The following ABHD12B variants were observed in gnomAD, a reference collection of about 807,000 sequenced individuals.
The protein encoded by ABHD12B is protein ABHD12B.
Under a neutral mutation model 50.4 loss-of-function variants are expected in ABHD12B, and 42 were observed. That is an observed-to-expected ratio of 0.83 (90% CI 0.65 to 1.08). The LOEUF is 1.08. Among genes scored for constraint, ABHD12B ranks in the 50% least tolerant of loss-of-function variants. ABHD12B has a pLI of 0.00. For synonymous variants in ABHD12B, 167 were observed against 160.3 expected, an observed-to-expected ratio of 1.04 and a Z score of -0.32; for missense variants, 479 against 447.7, an observed-to-expected ratio of 1.07 and a Z score of -0.63.
At chr14:50,893,206 C>T (rs2050143557) in intron 9 of ABHD12B, 1 of 152,270 alleles carries the variant, frequency 6.6e-6, no homozygotes, top group Non-Finnish European at 1.5e-5. Flanking sequence ...TCCCCTGTGA[C>T]TTGCAGGTAT....
At chr14:50,904,053 G>T (rs1449793889) in intron 11 of ABHD12B, 21 bp from the exon 12 acceptor site, 2 of 1,590,032 alleles carry the variant, frequency 1.3e-6, no homozygotes, top group Non-Finnish European at 1.7e-6. Context: ...CATCCTTTGA[G>T]TCTCTTTCTG....
intron 9 of ABHD12B, among the ~76,000 whole-genome samples, chr14:50,890,357 G>A (rs754540820): frequency 4.6e-5 from 7 of 152,106 alleles, no homozygotes; most frequent in Non-Finnish European, 7.4e-5. Context: ...GTCAAGAAAT[G>A]AGCATCACCC....
At position 50,887,191 on chromosome 14, in the gene ABHD12B, G is replaced by A. The variant is rs575966036; in HGVS notation, c.700+507G>A. Among the ~76,000 whole-genome samples, 5 of 94,708 alleles carry A rather than the reference G, an allele frequency of 5.3e-5. No homozygotes were observed. In the East Asian group the frequency reaches 1.1e-3, roughly 21 times the overall value. 62.1% of individuals were successfully genotyped at this position (94,708 alleles called of 152,430 possible). ...ATTGCCACTGCATTCTAGCCTGGGC[G>A]ACAGAGCAAGAGTCTGTCTCAAAAA... On this transcript the variant is annotated intron_variant, in intron 8 of 12. Transcript: ENST00000337334.
chr14:50,878,012 TACTAG>T lies in ABHD12B; in HGVS notation c.166_170del (p.Thr56Ter). On this transcript the variant is annotated frameshift_variant, in exon 2 of 13. Transcript: ENST00000337334. LOFTEE classifies it high-confidence loss of function. ...AAATTGCTGCTCTGTATGACAGCTT[TACTAG>T]TAAATCCTTAAAAGAACACGTTTTC... 6.5e-7 allele frequency: 1 copy of T among 1,535,356 alleles called. No individual in the cohort carries two copies.
At chr14:50,901,264 G>A (rs145194493) in intron 9 of ABHD12B, among the ~76,000 whole-genome samples, 1 of 152,246 alleles carries the variant, frequency 6.6e-6, no homozygotes, top group East Asian at 1.9e-4. Flanking sequence ...TCTATTTCTT[G>A]GATTTTGCTA....
intron 1 of ABHD12B, among the ~76,000 whole-genome samples, chr14:50,872,543 G>A (rs1224691464): frequency 6.6e-6 from 1 of 152,186 alleles, no homozygotes; most frequent in African/African-American, 2.4e-5. Flanking sequence ...ACTTTTGGGG[G>A]CTTCTGAAAT....
chr14:50,888,821 A>C lies in ABHD12B; in HGVS notation c.701-3A>C. On this transcript the variant is annotated splice_polypyrimidine_tract_variant and splice_region_variant and intron_variant, in intron 8 of 12. Transcript: ENST00000337334. ...TTTCTTTCTTTCTTTCTTTCATTTC[A>C]AGGATGCCCAGTTGATGCTATTGTC... The C allele has an allele frequency of 6.2e-7, 1 of 1,613,422 alleles. No individual in the cohort carries two copies. Among genetic ancestry groups the C allele is most frequent in the East Asian group, 2.2e-5 (1 of 44,844 alleles).
chr14:50,872,309 G>A (rs1028912029), intron 1 of ABHD12B, 31 bp downstream of exon 1: 34 of 1,256,948 alleles, frequency 2.7e-5, no homozygotes, highest in Non-Finnish European at 3.3e-5. Flanking sequence ...CCCTGGCCGG[G>A]CCCCGACGGC....
At chr14:50,894,411 CTCT>C (rs940220302) in intron 9 of ABHD12B, among the ~76,000 whole-genome samples, 2 of 151,940 alleles carry the variant, frequency 1.3e-5, no homozygotes. Context: ...CATGTCTCTA[CTCT>C]TTTCTCTGGG....
chr14:50,891,454 A>G (rs1246914002), intron 9 of ABHD12B: 1 of 152,246 alleles, frequency 6.6e-6, no homozygotes, highest in Non-Finnish European at 1.5e-5. Context: ...CGTGTTAGGC[A>G]GGATGATCTC....
intron 1 of ABHD12B, 123 bp downstream of exon 1, chr14:50,872,401 G>A: frequency 4.5e-6 from 3 of 662,414 alleles, no homozygotes; most frequent in Non-Finnish European, 6.3e-6. Flanking sequence ...CCAAGGCCCA[G>A]CATTGTGGCT....
At chr14:50,878,681 T>C in intron 2 of ABHD12B, 64 bp from the exon 3 acceptor site, 2 of 1,371,914 alleles carry the variant, frequency 1.5e-6, no homozygotes, top group Non-Finnish European at 1.0e-6. Flanking sequence ...AATTCCTTTC[T>C]TTGATTGTGA....
At chr14:50,881,735 C>T in intron 5 of ABHD12B, 109 bp downstream of exon 5, 1 of 1,353,396 alleles carries the variant, frequency 7.4e-7, no homozygotes, top group South Asian at 1.2e-5. Context: ...CTCCAGGGTA[C>T]TGGTCAGGGT....
At chr14:50,890,607 G>C (rs2050104375) in intron 9 of ABHD12B, among the ~76,000 whole-genome samples, 1 of 152,020 alleles carries the variant, frequency 6.6e-6, no homozygotes, top group African/African-American at 2.4e-5. Flanking sequence ...TTATATTTGT[G>C]GGATTGTATT....
At chr14:50,886,309 C>T (rs951157421) in intron 7 of ABHD12B, among the ~76,000 whole-genome samples, 3 of 151,734 alleles carry the variant, frequency 2.0e-5, no homozygotes, top group African/African-American at 4.8e-5. Context: ...CTTGGTGGTG[C>T]GTGCCTGTAA....
Position 50,878,883 on chromosome 14 carries a change from G to C in ABHD12B, c.335+36G>C, listed in dbSNP as rs1434642025. The C allele has an allele frequency of 2.6e-6, 4 of 1,559,422 alleles. No individual in the cohort carries two copies. The African/African-American group carries it at 4.1e-5, about 16-fold the overall frequency. Reference sequence around the variant, plus strand: ...GGATGGGACACCGGGTTGCTTGATGGGGCAGGTGTTCCTGTTAGGACTCAG... The same window carrying C: ...GGATGGGACACCGGGTTGCTTGATGCGGCAGGTGTTCCTGTTAGGACTCAG... On this transcript the variant is annotated intron_variant, in intron 3 of 12. Coordinates refer to ENST00000337334, the MANE Select transcript of ABHD12B (RefSeq NM_001206673.2).
intron 4 of ABHD12B, among the ~76,000 whole-genome samples, chr14:50,881,392 A>G (rs1032523542): frequency 6.6e-6 from 1 of 150,578 alleles, no homozygotes; most frequent in African/African-American, 2.4e-5. Flanking sequence ...TGTCCATTTT[A>G]GAGCCACATT....
At chr14:50,892,762 T>C (rs1336145939) in intron 9 of ABHD12B, 2 of 280,182 alleles carry the variant, frequency 7.1e-6, no homozygotes, top group African/African-American at 4.6e-5. Context: ...TACTATTTTT[T>C]TCTAATTTAT....
At chr14:50,892,537 AAGG>A in intron 9 of ABHD12B, 1 of 985,422 alleles carries the variant, frequency 1.0e-6, no homozygotes, top group South Asian at 4.7e-5. Context: ...ATCTAAGAAT[AAGG>A]AGAAGCAGCC....
Sources: allele counts gnomAD v4.1 joint callset (sites outside exome capture counted in the v4.1 genomes callset), GRCh38; gene constraint gnomAD v4.1.1; transcripts MANE v1.5; gene names NCBI Gene and HGNC (gene_info 2026-07-23, HGNC 2026-07-21).